IQCM: variants seen among roughly 807,000 people sequenced by gnomAD.
IQCM encodes the protein IQ motif containing M.
In IQCM, 45 loss-of-function variants were observed where a neutral mutation model predicts 57.6. The observed-to-expected ratio is 0.78, with a 90% CI of 0.62 to 1.00. The LOEUF (loss-of-function observed/expected upper bound fraction) is 1.00. Ranked by LOEUF, IQCM falls within the 50% of genes least tolerant of loss-of-function variation. The pLI, the probability that IQCM is intolerant of heterozygous loss-of-function variation, is 0.00. For missense variants in IQCM, 468 were observed against 511.6 expected (o/e 0.91, Z 0.82); for synonymous variants, 148 against 158.9 (o/e 0.93, Z 0.51).
At chr4:149,440,209 C>T (rs375284576) in intron 12 of IQCM, among the ~76,000 whole-genome samples, 3 of 141,292 alleles carry the variant, frequency 2.1e-5, no homozygotes, top group Non-Finnish European at 4.5e-5. Flanking sequence ...CTCAGGTGAT[C>T]TGCCGCCTTG....
intron 10 of IQCM, among the ~76,000 whole-genome samples, chr4:149,558,616 A>G (rs1749809589): frequency 6.6e-6 from 1 of 152,112 alleles, no homozygotes; most frequent in Non-Finnish European, 1.5e-5. Flanking sequence ...GTGATTAGAG[A>G]GTTATTTTCT....
At chr4:149,502,576 A>C (rs1006110262) in intron 12 of IQCM, among the ~76,000 whole-genome samples, 1 of 152,128 alleles carries the variant, frequency 6.6e-6, no homozygotes, top group African/African-American at 2.4e-5. Flanking sequence ...CAGGAGGCTG[A>C]GGTGTGAGGA....
At chr4:149,693,159 T>A (rs1474482202) in intron 5 of IQCM, among the ~76,000 whole-genome samples, 2 of 152,182 alleles carry the variant, frequency 1.3e-5, no homozygotes, top group African/African-American at 4.8e-5. Flanking sequence ...TCAATTTCAT[T>A]CACTTCTGAC....
chr4:149,567,439 C>T (rs1384733797), intron 9 of IQCM, among the ~76,000 whole-genome samples: 4 of 151,930 alleles, frequency 2.6e-5, no homozygotes, highest in Admixed American at 6.6e-5. Flanking sequence ...CTCCACCTCC[C>T]GGGTTCAAGC....
chr4:149,755,284 T>C (rs1181287190), intron 2 of IQCM, among the ~76,000 whole-genome samples: 1 of 152,154 alleles, frequency 6.6e-6, no homozygotes, highest in Non-Finnish European at 1.5e-5. Context: ...ATTCAAAAGC[T>C]ACTGATGCCT....
intron 12 of IQCM, among the ~76,000 whole-genome samples, chr4:149,483,737 T>C (rs1741160663): frequency 6.6e-6 from 1 of 152,026 alleles, no homozygotes; most frequent in Admixed American, 6.6e-5. Context: ...AAATAATGTG[T>C]GTTCTGTAGC....
intron 12 of IQCM, among the ~76,000 whole-genome samples, chr4:149,445,429 A>G (rs1446514520): frequency 6.6e-6 from 1 of 151,858 alleles, no homozygotes; most frequent in Non-Finnish European, 1.5e-5. Flanking sequence ...CACACTTGAT[A>G]CTCCAGGTAT....
intron 2 of IQCM, among the ~76,000 whole-genome samples, chr4:149,766,264 G>A (rs998730555): frequency 6.6e-6 from 1 of 152,102 alleles, no homozygotes; most frequent in African/African-American, 2.4e-5. Flanking sequence ...GGCAGCCATA[G>A]TAGGATGAAG....
chr4:149,705,782 A>G (rs1764110985), intron 5 of IQCM, among the ~76,000 whole-genome samples: 1 of 151,874 alleles, frequency 6.6e-6, no homozygotes. Context: ...GGTTATGGAG[A>G]GTTAAGGCTT....
rs543753163 is a variant in IQCM at position 149,501,740 on chromosome 4, A to G, written c.1228+46715T>C. On this transcript the variant is annotated intron_variant, in intron 12 of 13. Transcript: ENST00000636793. ...CGGTAACTAACTTTGGAGAATAAACACTGGAGTCATGAACAGTGCATGGCC... is the reference window on the plus strand; with the variant it reads ...CGGTAACTAACTTTGGAGAATAAACGCTGGAGTCATGAACAGTGCATGGCC... 7.9e-5 allele frequency among the ~76,000 whole-genome samples: 12 copies of G among 152,252 alleles called. No individual in the cohort carries two copies. The East Asian group carries it at 1.7e-3, about 22-fold the overall frequency.
At chr4:149,737,145 G>A (rs771306211) in intron 3 of IQCM, among the ~76,000 whole-genome samples, 1 of 152,074 alleles carries the variant, frequency 6.6e-6, no homozygotes, top group Non-Finnish European at 1.5e-5. Flanking sequence ...AATCTATGGT[G>A]GAAAAAACAA....
At chr4:149,491,646 C>T (rs1436184588) in intron 12 of IQCM, among the ~76,000 whole-genome samples, 1 of 151,940 alleles carries the variant, frequency 6.6e-6, no homozygotes, top group Admixed American at 6.6e-5. Flanking sequence ...ATTTTTTTAT[C>T]CATTCATCCA....
intron 13 of IQCM, among the ~76,000 whole-genome samples, chr4:149,393,760 A>T (rs1157858445): frequency 1.3e-5 from 2 of 151,996 alleles, no homozygotes; most frequent in African/African-American, 4.8e-5. Flanking sequence ...ATCATTCAAG[A>T]CCAAATGAGA....
chr4:149,576,339 T>C (rs1204102782), intron 9 of IQCM, among the ~76,000 whole-genome samples: 1 of 151,840 alleles, frequency 6.6e-6, no homozygotes, highest in Non-Finnish European at 1.5e-5. Flanking sequence ...GTGTCTATTG[T>C]GCCCTTCCTT....
rs911181098 is a variant in IQCM at position 149,599,039 on chromosome 4, G to A, written c.682-11042C>T. Among the ~76,000 whole-genome samples, 3 of 152,122 alleles carry A rather than the reference G, an allele frequency of 2.0e-5. No individual in the cohort carries two copies. In the East Asian group the frequency reaches 5.8e-4, roughly 29 times the overall value. Reference sequence around the variant, plus strand: ...ATAATATGACATCCCAGATGCAACAGAATGCAGGTTCATATTGATGTTAGG... The same window carrying A: ...ATAATATGACATCCCAGATGCAACAAAATGCAGGTTCATATTGATGTTAGG... On this transcript the variant is annotated intron_variant, in intron 8 of 13. Transcript: ENST00000636793.
intron 5 of IQCM, among the ~76,000 whole-genome samples, chr4:149,730,986 A>G (rs1435887975): frequency 2.0e-5 from 3 of 152,092 alleles, no homozygotes; most frequent in Non-Finnish European, 2.9e-5. Flanking sequence ...CGTACCTCTC[A>G]AGTGCTAGGT....
chr4:149,763,340 T>C (rs565757497), intron 2 of IQCM, among the ~76,000 whole-genome samples: 1 of 152,162 alleles, frequency 6.6e-6, no homozygotes, highest in Non-Finnish European at 1.5e-5. Context: ...ACATTTGCAG[T>C]CATCACAGAG....
At chr4:149,558,969 T>C (rs1017843759) in intron 10 of IQCM, among the ~76,000 whole-genome samples, 11 of 152,170 alleles carry the variant, frequency 7.2e-5, no homozygotes, top group Non-Finnish European at 5.9e-5. Flanking sequence ...AAAATTGGAC[T>C]CTACCTTCGT....
At chr4:149,427,635 G>A (rs1459554404) in intron 13 of IQCM, among the ~76,000 whole-genome samples, 5 of 151,792 alleles carry the variant, frequency 3.3e-5, no homozygotes, top group Non-Finnish European at 7.4e-5. Context: ...CTTTAGCCAG[G>A]TACAATATTG....
Sources: allele counts gnomAD v4.1 joint callset (sites outside exome capture counted in the v4.1 genomes callset), GRCh38; gene constraint gnomAD v4.1.1; transcripts MANE v1.5; gene names NCBI Gene and HGNC (gene_info 2026-07-23, HGNC 2026-07-21).